KCTD15: variants seen among roughly 807,000 people sequenced by gnomAD.
The protein encoded by KCTD15 is potassium channel tetramerization domain containing 15.
In KCTD15, 11 loss-of-function variants were observed where a neutral mutation model predicts 27.2. The ratio of observed to expected loss-of-function variants is 0.41; its 90% CI spans 0.25 to 0.67. The LOEUF (loss-of-function observed/expected upper bound fraction) is 0.67. KCTD15 is among the 30% of genes least tolerant of loss of function. The probability of loss-of-function intolerance (pLI) is 0.35; values close to 1 mark genes in which losing one functional copy is unlikely to be tolerated. For synonymous variants in KCTD15, 163 were observed against 176.0 expected, an observed-to-expected ratio of 0.93 and a Z score of 0.58; for missense variants, 350 against 409.3, an observed-to-expected ratio of 0.86 and a Z score of 1.25.
chr19:33,812,236 A>G (rs1181631048), intron 6 of KCTD15: 1 of 1,049,846 alleles, frequency 9.5e-7, no homozygotes, highest in Non-Finnish European at 1.1e-6. Flanking sequence ...ACAAACCCAC[A>G]TAGTTGTGGA....
At chr19:33,801,555 G>A (rs556148784) in intron 4 of KCTD15, 1 of 452,390 alleles carries the variant, frequency 2.2e-6, no homozygotes, top group East Asian at 3.5e-5. Flanking sequence ...CCCTGACTTG[G>A]CGGCATTGGT....
Position 33,813,003 on chromosome 19 carries a change from G to A in KCTD15, c.*55G>A, listed in dbSNP as rs1026932068. ...CCAGGGACCTGGAAACAGTGCTGGGGAGTTCTGCCTGTGTATACTTGGCCG... is the reference window on the plus strand; with the variant it reads ...CCAGGGACCTGGAAACAGTGCTGGGAAGTTCTGCCTGTGTATACTTGGCCG... On this transcript the variant is annotated 3_prime_UTR_variant, in exon 7 of 7. Coordinates refer to ENST00000683859, the MANE Select transcript of KCTD15 (RefSeq NM_001129994.2). The A allele has an allele frequency of 6.7e-7, 1 of 1,499,012 alleles. No individual in the cohort carries two copies. Among genetic ancestry groups the A allele is most frequent in the Non-Finnish European group, 9.0e-7 (1 of 1,114,196 alleles). The allele number at this position is 1,499,012 out of a possible 1,614,324, so 92.9% of individuals were successfully genotyped here. A position where few individuals can be genotyped will look rare whatever the true frequency, so the allele number is the denominator to read the frequency against.
intron 4 of KCTD15, 82 bp downstream of exon 4, chr19:33,801,424 T>A: frequency 8.2e-7 from 1 of 1,212,674 alleles, no homozygotes; most frequent in Non-Finnish European, 1.1e-6. Flanking sequence ...GTGGGGTCTC[T>A]CCCCACTGTC....
At chr19:33,800,387 G>A (rs1334185700) in intron 2 of KCTD15, 41 bp from the exon 3 acceptor site, 6 of 1,465,212 alleles carry the variant, frequency 4.1e-6, no homozygotes, top group Non-Finnish European at 5.6e-6. Context: ...ACATGACTAG[G>A]AGGAATAAGC....
At chr19:33,794,594 C>G (rs531706433), upstream of KCTD15, among the ~76,000 whole-genome samples, 10 of 152,346 alleles carry the variant, frequency 6.6e-5, no homozygotes, top group South Asian at 2.1e-3. Flanking sequence ...CAACACAAGC[C>G]TGCTCCACCT....
rs180769861 is a variant in KCTD15 at position 33,812,955 on chromosome 19, C to G, written c.*7C>G. 1.1e-4 allele frequency: 163 copies of G among 1,540,056 alleles called. No individual in the cohort carries two copies. In the African/African-American group the frequency reaches 2.0e-3, roughly 19 times the overall value. Reference sequence around the variant, plus strand: ...GCAGGAACCCCTGGACTAGGCCCTGCTTCAGTGCCCACCTGGGCCCCCCCA... The same window carrying G: ...GCAGGAACCCCTGGACTAGGCCCTGGTTCAGTGCCCACCTGGGCCCCCCCA... On this transcript the variant is annotated 3_prime_UTR_variant, in exon 7 of 7. Coordinates refer to ENST00000683859, the MANE Select transcript of KCTD15 (RefSeq NM_001129994.2).
rs371704650 is a variant in KCTD15, at chr19:33,804,623, T to C, written c.243-2240T>C. Among the ~76,000 whole-genome samples, 419 of 152,342 alleles carry C rather than the reference T, an allele frequency of 2.8e-3. 2 individuals are homozygous for C. The highest frequency in any genetic ancestry group is 4.6e-3 in the Non-Finnish European group (314 of 68,028). ...CCACTGCCCATGGTATCTGGCAGCC[T>C]GGGACAGACCCATCTGTCTCCAGGA... On this transcript the variant is annotated intron_variant, in intron 4 of 6. Transcript: ENST00000683859.
chr19:33,797,283 T>TGCGCGC (rs757561501), intron 1 of KCTD15: 2 of 120,744 alleles, frequency 1.7e-5, no homozygotes, highest in Admixed American at 1.0e-4. Flanking sequence ...TGTGTGTGTG[T>TGCGCGC]GCGCGCGCGC....
chr19:33,798,090 G>A (rs955630949), intron 1 of KCTD15, among the ~76,000 whole-genome samples: 8 of 147,758 alleles, frequency 5.4e-5, no homozygotes, highest in African/African-American at 1.5e-4. Context: ...GGAGGCGGGA[G>A]GGGGGGGGTG....
chr19:33,812,692 C>G, intron 6 of KCTD15, 98 bp from the exon 7 acceptor site: 1 of 1,394,348 alleles, frequency 7.2e-7, no homozygotes, highest in Non-Finnish European at 9.3e-7. Context: ...AGAAGGTGCC[C>G]TTGCTGGCTG....
chr19:33,812,058 C>G, intron 6 of KCTD15: 5 of 1,385,730 alleles, frequency 3.6e-6, no homozygotes, highest in Non-Finnish European at 4.6e-6. Context: ...TATTTTCCAA[C>G]AGCTCTTCGC....
chr19:33,814,489 A>T lies in KCTD15; in HGVS notation c.*1541A>T, dbSNP rs1976035567. 1 of 152,184 alleles carries T rather than the reference A, an allele frequency of 6.6e-6. No homozygotes were observed. The highest frequency in any genetic ancestry group is 1.5e-5 in the Non-Finnish European group (1 of 68,034). The allele number at this position is 152,184 out of a possible 1,614,324, so 9.4% of individuals were successfully genotyped here. ...ATTCTGATTCACAGTCCCTAGCCAG[A>T]TGGGAACTGGGAAAGAGACAGAAGG... On this transcript the variant is annotated 3_prime_UTR_variant, in exon 7 of 7. Coordinates refer to ENST00000683859, the MANE Select transcript of KCTD15 (RefSeq NM_001129994.2).
In KCTD15 at chr19:33,813,742, C is replaced by T. The variant is rs983768413; in HGVS notation, c.*794C>T. ...GCTGCTGGAGAAGTCTCCTCCCGTT[C>T]GGACCAGCCTCAGGGCTGCACGTTA... On this transcript the variant is annotated 3_prime_UTR_variant, in exon 7 of 7. Transcript: ENST00000683859. The T allele has an allele frequency of 1.5e-5, 3 of 197,448 alleles. No homozygotes were observed. The highest frequency in any genetic ancestry group is 2.1e-5 in the Non-Finnish European group (2 of 95,234). 12.2% of individuals were successfully genotyped at this position (197,448 alleles called of 1,614,324 possible).
chr19:33,809,835 C>T (rs1482269364), intron 5 of KCTD15, among the ~76,000 whole-genome samples: 1 of 152,162 alleles, frequency 6.6e-6, no homozygotes, highest in Non-Finnish European at 1.5e-5. Flanking sequence ...CACATCACTG[C>T]ACTCCAGTCT....
upstream of KCTD15, among the ~76,000 whole-genome samples, chr19:33,795,515 T>C (rs1975293660): frequency 6.6e-6 from 1 of 151,528 alleles, no homozygotes; most frequent in African/African-American, 2.4e-5. Context: ...CAGGCGCCGT[T>C]CCGGCCCGTG....
intron 4 of KCTD15, among the ~76,000 whole-genome samples, chr19:33,804,771 A>G (rs1975663113): frequency 6.6e-6 from 1 of 152,144 alleles, no homozygotes; most frequent in South Asian, 2.1e-4. Flanking sequence ...TGTGACCTGC[A>G]GTGCCATTGT....
intron 5 of KCTD15, among the ~76,000 whole-genome samples, chr19:33,807,569 A>G (rs1975752674): frequency 6.6e-6 from 1 of 152,168 alleles, no homozygotes; most frequent in Non-Finnish European, 1.5e-5. Flanking sequence ...TAAAAATAGA[A>G]AAATTAGCCA....
chr19:33,800,289 G>A, intron 2 of KCTD15, 139 bp from the exon 3 acceptor site: 2 of 666,896 alleles, frequency 3.0e-6, no homozygotes, highest in South Asian at 1.8e-5. Context: ...TAGTGGCGGT[G>A]GAGTCAATCA....
At chr19:33,804,525 G>T (rs1975655582) in intron 4 of KCTD15, among the ~76,000 whole-genome samples, 1 of 152,176 alleles carries the variant, frequency 6.6e-6, no homozygotes, top group African/African-American at 2.4e-5. Context: ...TGAGGGTTTG[G>T]ATCTGCTGAC....
Sources: allele counts gnomAD v4.1 joint callset (sites outside exome capture counted in the v4.1 genomes callset), GRCh38; gene constraint gnomAD v4.1.1; transcripts MANE v1.5; gene names NCBI Gene and HGNC (gene_info 2026-07-23, HGNC 2026-07-21).